Variants in PKNOX2 observed in about 807,000 individuals in gnomAD.
The protein encoded by PKNOX2 is PBX/knotted 1 homeobox 2, also known as homeobox protein PKNOX2.
A neutral mutation model predicts 53.1 loss-of-function variants in PKNOX2; 14 were observed. That is an observed-to-expected ratio of 0.26 (90% confidence interval 0.17 to 0.41). The LOEUF is 0.41. PKNOX2 is among the 10% of genes least tolerant of loss of function. PKNOX2 has a pLI of 1.00. For missense variants in PKNOX2, 496 were observed against 602.8 expected, an observed-to-expected ratio of 0.82 and a Z score of 1.85; for synonymous variants, 257 against 242.8, an observed-to-expected ratio of 1.06 and a Z score of -0.54.
intron 3 of PKNOX2, among the ~76,000 whole-genome samples, chr11:125,333,463 A>C (rs1950249501): frequency 6.6e-6 from 1 of 151,964 alleles, no homozygotes; most frequent in Non-Finnish European, 1.5e-5. Context: ...TTCCTGTAGA[A>C]TGGAAGGCTT....
intron 1 of PKNOX2, among the ~76,000 whole-genome samples, chr11:125,212,622 C>A (rs2135456120): frequency 6.6e-6 from 1 of 151,712 alleles, no homozygotes; most frequent in Admixed American, 6.6e-5. Context: ...CTACACTGAA[C>A]AGAGAGGGAA....
chr11:125,348,003 A>G (rs1244840407), intron 3 of PKNOX2, among the ~76,000 whole-genome samples: 1 of 152,150 alleles, frequency 6.6e-6, no homozygotes, highest in African/African-American at 2.4e-5. Context: ...AATCCGTGAC[A>G]AAAGCTCTGA....
At chr11:125,301,757 C>G (rs1245664132) in intron 2 of PKNOX2, among the ~76,000 whole-genome samples, 1 of 152,124 alleles carries the variant, frequency 6.6e-6, no homozygotes, top group Non-Finnish European at 1.5e-5. Flanking sequence ...TGGTGCCAGG[C>G]CAGTGGAGAG....
At chr11:125,360,436 C>A (rs1328432500) in intron 4 of PKNOX2, among the ~76,000 whole-genome samples, 1 of 152,210 alleles carries the variant, frequency 6.6e-6, no homozygotes, top group Non-Finnish European at 1.5e-5. Flanking sequence ...CACATATGGT[C>A]TCGCAGTAGC....
At chr11:125,267,297 G>A (rs927248167) in intron 2 of PKNOX2, among the ~76,000 whole-genome samples, 5 of 152,150 alleles carry the variant, frequency 3.3e-5, no homozygotes, top group East Asian at 1.9e-4. Context: ...GTCCTGTCCC[G>A]GGATAGTGCT....
chr11:125,291,132 T>C (rs902117692), intron 2 of PKNOX2, among the ~76,000 whole-genome samples: 3 of 152,188 alleles, frequency 2.0e-5, no homozygotes, highest in South Asian at 2.1e-4. Flanking sequence ...GCAGAAAGAA[T>C]AGGGGACAGG....
intron 1 of PKNOX2, among the ~76,000 whole-genome samples, chr11:125,188,632 A>G (rs943990472): frequency 2.6e-5 from 4 of 152,152 alleles, no homozygotes; most frequent in Non-Finnish European, 5.9e-5. Flanking sequence ...CTGGCCCAGC[A>G]ACTTTTGTCC....
At chr11:125,417,092 G>T (rs1158489145) in intron 10 of PKNOX2, among the ~76,000 whole-genome samples, 1 of 152,032 alleles carries the variant, frequency 6.6e-6, no homozygotes, top group Admixed American at 6.5e-5. Context: ...CCACACTCCT[G>T]CTGGAAGCAA....
chr11:125,363,263 A>G (rs1952018166), intron 4 of PKNOX2, among the ~76,000 whole-genome samples: 1 of 152,232 alleles, frequency 6.6e-6, no homozygotes, highest in Non-Finnish European at 1.5e-5. Flanking sequence ...GCACAATGTC[A>G]CATCTCATAG....
chr11:125,383,439 C>T (rs840027), intron 5 of PKNOX2, among the ~76,000 whole-genome samples: 55,533 of 141,362 alleles, frequency 0.39, 10,825 homozygotes, highest in East Asian at 0.56. Flanking sequence ...GAAATCCCCT[C>T]TCTGCTAAAA....
chr11:125,348,732 G>T (rs1951129967), intron 3 of PKNOX2, among the ~76,000 whole-genome samples: 1 of 152,218 alleles, frequency 6.6e-6, no homozygotes, highest in Admixed American at 6.5e-5. Flanking sequence ...GTGAACAAAA[G>T]AATGTGAATG....
At chr11:125,372,982 G>A (rs1255669290) in intron 5 of PKNOX2, among the ~76,000 whole-genome samples, 1 of 152,246 alleles carries the variant, frequency 6.6e-6, no homozygotes, top group East Asian at 1.9e-4. Context: ...CCACAGTTGT[G>A]TGGGGAGGAA....
intron 3 of PKNOX2, among the ~76,000 whole-genome samples, chr11:125,340,868 G>A (rs1725646795): frequency 6.6e-6 from 1 of 151,974 alleles, no homozygotes; most frequent in African/African-American, 2.4e-5. Context: ...TGGTCAACAT[G>A]GTGAAACTCC....
intron 2 of PKNOX2, among the ~76,000 whole-genome samples, chr11:125,256,306 G>A (rs1357233616): frequency 6.6e-6 from 1 of 152,014 alleles, no homozygotes; most frequent in Non-Finnish European, 1.5e-5. Context: ...GACAAGCAGA[G>A]ATAAAAAGGG....
chr11:125,398,049 A>G lies in PKNOX2; in HGVS notation c.575A>G (p.Asn192Ser), dbSNP rs554760174. The change falls in exon 7 of 13, where the codon AAC (asparagine) becomes AGC (serine). Residue 192 changes from asparagine (N) to serine (S), a missense_variant. By Grantham distance (46) the Asn-to-Ser change is conservative. Coordinates refer to ENST00000298282, the MANE Select transcript of PKNOX2 (RefSeq NM_001382323.2). ...TACTCCCCCAACCAGCCCTCCATCA[A>G]CCTTCACTCACAGGTAACACCCAGA... ...GPYSPNQPSI[N>S]LHSQDLLQNS... 4 of 1,611,244 alleles carry G rather than the reference A, an allele frequency of 2.5e-6. No homozygotes were observed. The highest frequency in any genetic ancestry group is 2.7e-5 in the African/African-American group (2 of 74,972).
intron 2 of PKNOX2, among the ~76,000 whole-genome samples, chr11:125,320,933 T>G (rs1371497674): frequency 6.6e-6 from 1 of 152,242 alleles, no homozygotes. Context: ...TTAGTCATTG[T>G]GCTCTCTTTC....
intron 2 of PKNOX2, among the ~76,000 whole-genome samples, chr11:125,255,317 C>T (rs1944329645): frequency 6.6e-6 from 1 of 152,156 alleles, no homozygotes; most frequent in Non-Finnish European, 1.5e-5. Context: ...TGCCTCAAGA[C>T]CCCTCATTTC....
chr11:125,165,603 A>G lies in PKNOX2; in HGVS notation c.-201+827A>G, dbSNP rs1467115585. On this transcript the variant is annotated intron_variant, in intron 1 of 12. Transcript: ENST00000298282. This position sits in a 1 kb window ranked among gnomAD's most constrained non-coding sequence, Gnocchi z 4.5. Reference sequence around the variant, plus strand: ...GACGGATCAGTGGAGACAGGGGAACACCGGCGGGGCCCGGGAAGCCAGGAT... The same window carrying G: ...GACGGATCAGTGGAGACAGGGGAACGCCGGCGGGGCCCGGGAAGCCAGGAT... Among the ~76,000 whole-genome samples the G allele has an allele frequency of 1.3e-5, 2 of 152,050 alleles. No homozygotes were observed. Among genetic ancestry groups the G allele is most frequent in the African/African-American group, 2.4e-5 (1 of 41,394 alleles).
At chr11:125,381,322 G>A (rs566615635) in intron 5 of PKNOX2, among the ~76,000 whole-genome samples, 1 of 152,210 alleles carries the variant, frequency 6.6e-6, no homozygotes, top group East Asian at 1.9e-4. Flanking sequence ...AGAGGATCTG[G>A]GGGCTGACAG....
Sources: gnomAD v4.1 joint callset for allele counts (sites outside exome capture counted in the v4.1 genomes callset) on GRCh38, gnomAD v4.1.1 for gene constraint, Gnocchi (gnomAD v3.1) non-coding constraint, MANE v1.5 for transcripts, NCBI Gene and HGNC (gene_info 2026-07-23, HGNC 2026-07-21) for gene names.